Variants in SMOC1 observed in about 807,000 individuals in gnomAD.
SMOC1 encodes SPARC related modular calcium binding 1.
Under a neutral mutation model 56.3 loss-of-function variants are expected in SMOC1, and 22 were observed. The observed-to-expected ratio is 0.39, with a 90% CI of 0.28 to 0.56. The LOEUF (loss-of-function observed/expected upper bound fraction) is 0.56, where lower values mean the gene tolerates loss of function less well. Ranked by LOEUF, SMOC1 falls within the 20% of genes least tolerant of loss-of-function variation. The probability of loss-of-function intolerance (pLI) is 0.61; values close to 1 mark genes in which losing one functional copy is unlikely to be tolerated. For missense variants in SMOC1, 509 were observed against 565.4 expected, an observed-to-expected ratio of 0.90 and a Z score of 1.01; for synonymous variants, 193 against 215.0, an observed-to-expected ratio of 0.90 and a Z score of 0.89.
At chr14:69,953,562 T>C in intron 3 of SMOC1, 30 bp downstream of exon 3, 4 of 1,589,112 alleles carry the variant, frequency 2.5e-6, no homozygotes, top group Non-Finnish European at 3.5e-6. Context: ...TCTTGGGCTC[T>C]TTCCTGGACC....
At chr14:69,887,568 A>G (rs1883844036) in intron 1 of SMOC1, among the ~76,000 whole-genome samples, 1 of 152,242 alleles carries the variant, frequency 6.6e-6, no homozygotes, top group Non-Finnish European at 1.5e-5. Context: ...TCAAACAAAA[A>G]GTCCCAGAGT....
chr14:69,949,848 T>G (rs1882929061), intron 1 of SMOC1, among the ~76,000 whole-genome samples: 1 of 152,048 alleles, frequency 6.6e-6, no homozygotes, highest in South Asian at 2.1e-4. Flanking sequence ...CCCGAGCTCA[T>G]GGGTTTAAAG....
intron 7 of SMOC1, among the ~76,000 whole-genome samples, chr14:69,998,062 G>T (rs1884835489): frequency 6.6e-6 from 1 of 152,156 alleles, no homozygotes; most frequent in Non-Finnish European, 1.5e-5. Flanking sequence ...CCACTGGGCA[G>T]CTGAAGTTTT....
At chr14:69,956,196 A>G (rs185584240) in intron 3 of SMOC1, among the ~76,000 whole-genome samples, 75 of 152,344 alleles carry the variant, frequency 4.9e-4, no homozygotes, top group African/African-American at 1.4e-3. Flanking sequence ...TTTGTTTGAC[A>G]TGCTAAGCAC....
chr14:70,024,860 G>A (rs1885863986), intron 11 of SMOC1, among the ~76,000 whole-genome samples: 1 of 152,158 alleles, frequency 6.6e-6, no homozygotes. Flanking sequence ...AAGTATTCTG[G>A]TTTCAGGGTG....
At position 69,994,442 on chromosome 14, in the gene SMOC1, A is replaced by C. The variant is rs1375217008; in HGVS notation, c.626A>C (p.Lys209Thr). Residue 209 changes from lysine to threonine, a missense_variant, in exon 7 of 12, where the codon AAG becomes ACG. Physicochemically the swap from Lys to Thr is moderately conservative, Grantham distance 78. Around this residue, in one of 3 missense-constraint regions of SMOC1, gnomAD observed 315 missense variants for 333.1 expected, o/e 0.95. Coordinates refer to ENST00000361956, the MANE Select transcript of SMOC1 (RefSeq NM_001034852.3). ...CTATGGATTAAACACTTGGTGATCA[A>C]GGACTCCAAACTGAACAACACCAAC... ...PTLWIKHLVIKDSKLNNTNIR... is the reference protein window; with the variant it reads ...PTLWIKHLVITDSKLNNTNIR... The C allele has an allele frequency of 1.2e-6, 2 of 1,613,932 alleles. No homozygotes were observed. The highest frequency in any genetic ancestry group is 1.7e-6 in the Non-Finnish European group (2 of 1,179,940).
chr14:69,965,404 T>TAATAATAATAATAATAAAAAA (rs761154559), intron 3 of SMOC1, among the ~76,000 whole-genome samples: 61 of 149,478 alleles, frequency 4.1e-4, no homozygotes, highest in South Asian at 1.3e-3. Flanking sequence ...ATAATAATAA[T>TAATAATAATAATAATAAAAAA]AAAAAGATGA....
intron 3 of SMOC1, among the ~76,000 whole-genome samples, chr14:69,958,491 G>A (rs1883265577): frequency 6.6e-6 from 1 of 152,204 alleles, no homozygotes; most frequent in Admixed American, 6.5e-5. Flanking sequence ...AAATAAAAAT[G>A]ATGATGAATG....
Position 70,031,208 on chromosome 14 carries a change from T to C in SMOC1, c.*950T>C, listed in dbSNP as rs1886138440. On this transcript the variant is annotated 3_prime_UTR_variant, in exon 12 of 12. Transcript: ENST00000361956. ...ACAGAAGGGCCTTTAAAAAAGTAGATATTTAATATCTAAGCAGGGGAGGGG... is the reference window on the plus strand; with the variant it reads ...ACAGAAGGGCCTTTAAAAAAGTAGACATTTAATATCTAAGCAGGGGAGGGG... The C allele has an allele frequency of 6.6e-6, 1 of 152,172 alleles. No homozygotes were observed. Among genetic ancestry groups the C allele is most frequent in the South Asian group, 2.1e-4 (1 of 4,810 alleles). 9.4% of individuals were successfully genotyped at this position (152,172 alleles called of 1,614,324 possible).
chr14:70,026,248 C>T (rs1885919772), intron 11 of SMOC1, among the ~76,000 whole-genome samples: 1 of 152,200 alleles, frequency 6.6e-6, no homozygotes, highest in South Asian at 2.1e-4. Context: ...ATGTAGACCC[C>T]AGGCATACCA....
At chr14:70,015,918 G>A (rs1370585327) in intron 10 of SMOC1, among the ~76,000 whole-genome samples, 3 of 152,206 alleles carry the variant, frequency 2.0e-5, no homozygotes, top group Non-Finnish European at 4.4e-5. Flanking sequence ...ATGTTTAGAA[G>A]AGAGAGAAAA....
In SMOC1 at chr14:69,917,075, T is replaced by G. The variant is rs571268088; in HGVS notation, c.100-35063T>G. On this transcript the variant is annotated intron_variant, in intron 1 of 11. Transcript: ENST00000361956. ...AAACAAATTCAGAAGGAGCCTCAAT[T>G]TGTAGGACAGATAATGATATTTGAT... Among the ~76,000 whole-genome samples the G allele has an allele frequency of 5.9e-5, 9 of 152,364 alleles. No homozygotes were observed. The South Asian group carries it at 1.9e-3, about 32-fold the overall frequency.
intron 5 of SMOC1, among the ~76,000 whole-genome samples, chr14:69,992,079 C>T (rs536342157): frequency 6.6e-6 from 1 of 152,192 alleles, no homozygotes; most frequent in Admixed American, 6.5e-5. Flanking sequence ...GGGGGAGATA[C>T]TGCCTCCCAG....
chr14:69,976,736 T>C (rs1426380582), intron 4 of SMOC1, among the ~76,000 whole-genome samples: 1 of 152,206 alleles, frequency 6.6e-6, no homozygotes, highest in Non-Finnish European at 1.5e-5. Flanking sequence ...TTCATATTTC[T>C]TCATATCTGT....
chr14:70,031,413 T>A lies in SMOC1; in HGVS notation c.*1155T>A, dbSNP rs899145564. The A allele has an allele frequency of 4.7e-5, 1 of 21,492 alleles. No homozygotes were observed. Among genetic ancestry groups the A allele is most frequent in the Admixed American group, 5.9e-4 (1 of 1,700 alleles). The allele number at this position is 21,492 out of a possible 1,614,324, so 1.3% of individuals were successfully genotyped here. On this transcript the variant is annotated 3_prime_UTR_variant, in exon 12 of 12. Coordinates refer to ENST00000361956, the MANE Select transcript of SMOC1 (RefSeq NM_001034852.3). ...TCCTAGTGGCTATCACAGGCCTGGG[T>A]GGGTGGGTTGGGGGAGGTGTCAGTC...
At chr14:69,958,529 G>T (rs767067420) in intron 3 of SMOC1, among the ~76,000 whole-genome samples, 8 of 152,152 alleles carry the variant, frequency 5.3e-5, no homozygotes, top group Non-Finnish European at 1.0e-4. Context: ...AGCAAAAACT[G>T]GGAAAAGATG....
At chr14:70,002,260 A>C in intron 7 of SMOC1, among the ~76,000 whole-genome samples, 1 of 152,236 alleles carries the variant, frequency 6.6e-6, no homozygotes, top group East Asian at 1.9e-4. Flanking sequence ...TTTGCTGCCT[A>C]TTCTGTGGGG....
At chr14:70,011,630 TG>T (rs1566710408) in intron 9 of SMOC1, 63 bp downstream of exon 9, 2 of 1,455,830 alleles carry the variant, frequency 1.4e-6, no homozygotes, top group African/African-American at 2.8e-5. Context: ...CCTCTCATTA[TG>T]CAGAAGAAGC....
At chr14:70,012,608 T>C (rs1466612612) in intron 9 of SMOC1, among the ~76,000 whole-genome samples, 2 of 152,208 alleles carry the variant, frequency 1.3e-5, no homozygotes, top group African/African-American at 4.8e-5. Context: ...TGCTAATTTC[T>C]ATGTGGAGTT....
Sources: allele counts gnomAD v4.1 joint callset (sites outside exome capture counted in the v4.1 genomes callset), GRCh38; gene constraint gnomAD v4.1.1; regional missense constraint gnomAD v4.1.1; transcripts MANE v1.5; gene names NCBI Gene and HGNC (gene_info 2026-07-23, HGNC 2026-07-21).